Variants in TENM2 observed in about 807,000 individuals in gnomAD.
The protein encoded by TENM2 is teneurin-2.
A neutral mutation model predicts 245.2 loss-of-function variants in TENM2; 52 were observed. The ratio of observed to expected loss-of-function variants is 0.21; its 90% confidence interval spans 0.17 to 0.27. The LOEUF is 0.27. TENM2 is among the 10% of genes least tolerant of loss of function. The pLI is 1.00. For synonymous variants in TENM2, 1,363 were observed against 1,438.9 expected (o/e 0.95, Z 1.19); for missense variants, 3,046 against 3,666.8 (o/e 0.83, Z 4.37).
intron 2 of TENM2, among the ~76,000 whole-genome samples, chr5:167,694,486 G>A (rs373196669): frequency 6.6e-6 from 1 of 152,172 alleles, no homozygotes; most frequent in Non-Finnish European, 1.5e-5. Context: ...TGTGTTTGAC[G>A]AATTAGTTGC....
chr5:168,257,902 CCG>C (rs1218973028), intron 27 of TENM2, among the ~76,000 whole-genome samples: 1 of 152,120 alleles, frequency 6.6e-6, no homozygotes, highest in African/African-American at 2.4e-5. Context: ...GCGTGAGCCA[CCG>C]TGCCCGGCCA....
the TENM2 span, among the ~76,000 whole-genome samples, chr5:167,166,784 A>G: frequency 6.6e-6 from 1 of 152,138 alleles, no homozygotes; most frequent in African/African-American, 2.4e-5. Context: ...TATTCTCAAT[A>G]ATATTATAAT....
chr5:167,942,496 C>A (rs1285087417), intron 3 of TENM2, among the ~76,000 whole-genome samples: 1 of 152,052 alleles, frequency 6.6e-6, no homozygotes, highest in African/African-American at 2.4e-5. Context: ...CCTCCTGAAC[C>A]CTTGCTAGAA....
chr5:167,544,723 G>A (rs1173254904), intron 2 of TENM2, among the ~76,000 whole-genome samples: 1 of 152,208 alleles, frequency 6.6e-6, no homozygotes, highest in South Asian at 2.1e-4. Flanking sequence ...CTGGGAGACA[G>A]ACACTAGGGA....
At chr5:167,495,528 A>G (rs537686439) in intron 2 of TENM2, among the ~76,000 whole-genome samples, 1 of 152,138 alleles carries the variant, frequency 6.6e-6, no homozygotes, top group South Asian at 2.1e-4. Context: ...ATTCTAGCAG[A>G]TTTTCTTCTG....
At chr5:167,782,686 C>T (rs935456863) in intron 2 of TENM2, among the ~76,000 whole-genome samples, 1 of 152,126 alleles carries the variant, frequency 6.6e-6, no homozygotes, top group Non-Finnish European at 1.5e-5. Flanking sequence ...GAAAAGAGAG[C>T]AATTAAAGAG....
the TENM2 span, among the ~76,000 whole-genome samples, chr5:167,105,055 T>C: frequency 6.6e-6 from 1 of 152,180 alleles, no homozygotes. Context: ...TTGCTGTCTA[T>C]CAAAAACAAT....
At chr5:168,200,522 G>A (rs1368071034) in intron 17 of TENM2, among the ~76,000 whole-genome samples, 7 of 152,190 alleles carry the variant, frequency 4.6e-5, no homozygotes, top group Admixed American at 1.3e-4. Context: ...AGAGCAGGGT[G>A]TGTTTGACAG....
rs1056294321 is a variant in TENM2, at chr5:167,416,954, C to T, written c.502+41481C>T. 7.2e-5 allele frequency among the ~76,000 whole-genome samples: 11 copies of T among 152,008 alleles called. No homozygotes were observed. In the South Asian group the frequency reaches 8.3e-4, roughly 11 times the overall value. On this transcript the variant is annotated intron_variant, in intron 2 of 28. Coordinates refer to ENST00000518659, the Ensembl canonical transcript of TENM2. ...TGATGTTTGATTACATAGATTGTTT[C>T]GTTTTTCTTTTCTTCTCTTGTCATT...
At chr5:168,082,405 A>T (rs1792084628) in intron 7 of TENM2, among the ~76,000 whole-genome samples, 1 of 152,026 alleles carries the variant, frequency 6.6e-6, no homozygotes, top group Admixed American at 6.6e-5. Flanking sequence ...GAAGTTTGTT[A>T]TTACCGATCA....
chr5:168,242,208 C>T (rs1417711375), intron 25 of TENM2, among the ~76,000 whole-genome samples: 1 of 152,180 alleles, frequency 6.6e-6, no homozygotes, highest in African/African-American at 2.4e-5. Context: ...GTTGGCCACC[C>T]GTATCTCTGA....
chr5:167,266,931 G>T, the TENM2 span, among the ~76,000 whole-genome samples: 43 of 152,226 alleles, frequency 2.8e-4, 2 homozygotes, highest in East Asian at 7.4e-3. Flanking sequence ...TGTGGTGTGT[G>T]GGACACATGT....
At chr5:167,636,394 T>G (rs1391483159) in intron 2 of TENM2, among the ~76,000 whole-genome samples, 1 of 152,240 alleles carries the variant, frequency 6.6e-6, no homozygotes, top group Non-Finnish European at 1.5e-5. Context: ...ATCAGATAAT[T>G]TCCATGTTTT....
At chr5:167,640,327 G>C (rs543390728) in intron 2 of TENM2, among the ~76,000 whole-genome samples, 1 of 152,082 alleles carries the variant, frequency 6.6e-6, no homozygotes, top group African/African-American at 2.4e-5. Flanking sequence ...TTGCAGATTT[G>C]CTTGGTATGG....
intron 2 of TENM2, among the ~76,000 whole-genome samples, chr5:167,579,443 T>C (rs771504268): frequency 1.3e-5 from 2 of 152,218 alleles, no homozygotes; most frequent in African/African-American, 2.4e-5. Flanking sequence ...ATCATTATTG[T>C]CTGTTATTTG....
chr5:167,458,289 C>T (rs377002667), intron 2 of TENM2, among the ~76,000 whole-genome samples: 2 of 145,382 alleles, frequency 1.4e-5, no homozygotes, highest in African/African-American at 4.9e-5. Context: ...GAGTTCGAGA[C>T]CAGCTTGGGC....
At chr5:168,102,106 T>C (rs1403088467) in intron 9 of TENM2, among the ~76,000 whole-genome samples, 2 of 152,284 alleles carry the variant, frequency 1.3e-5, no homozygotes, top group Admixed American at 1.3e-4. Flanking sequence ...AGAATTTTGC[T>C]TTTGTTGCCC....
At chr5:168,025,862 C>T (rs756593130) in intron 5 of TENM2, among the ~76,000 whole-genome samples, 2 of 152,166 alleles carry the variant, frequency 1.3e-5, no homozygotes, top group Non-Finnish European at 2.9e-5. Flanking sequence ...GCAATAAAGG[C>T]TTCATTGGCC....
chr5:168,118,253 G>A (rs1019443332), intron 9 of TENM2, 39 bp from the exon 12 acceptor site: 3 of 1,449,772 alleles, frequency 2.1e-6, no homozygotes, highest in Non-Finnish European at 2.8e-6. Flanking sequence ...TCGGATGCTG[G>A]CCCTTCGTGA....
Sources: gnomAD v4.1 joint callset for allele counts (sites outside exome capture counted in the v4.1 genomes callset) on GRCh38, gnomAD v4.1.1 for gene constraint, MANE v1.5 for transcripts, NCBI Gene and HGNC (gene_info 2026-07-23, HGNC 2026-07-21) for gene names.